The following UNC13C variants were observed in gnomAD, a reference collection of about 807,000 sequenced individuals.
The protein encoded by UNC13C is unc-13 homolog C, also known as protein unc-13 homolog C.
In UNC13C, 174 loss-of-function variants were observed where a neutral mutation model predicts 245.4. That is an observed-to-expected ratio of 0.71 (90% CI 0.63 to 0.80). UNC13C has a LOEUF of 0.80. Among genes scored for constraint, UNC13C ranks in the 30% least tolerant of loss-of-function variants. UNC13C has a pLI of 0.00. For missense variants in UNC13C, 2,829 were observed against 2,602.9 expected (o/e 1.09, Z -1.89); for synonymous variants, 992 against 895.1 (o/e 1.11, Z -1.93).
At position 54,450,232 on chromosome 15, in the gene UNC13C, G is replaced by A. The variant is rs142800042; in HGVS notation, c.4933+35165G>A. ...ACTCGGGGGTCGGGGACCCACTTGA[G>A]GAGTCAGTCTGTCCGTTCTCAGATC... On this transcript the variant is annotated intron_variant, in intron 19 of 32. Transcript: ENST00000260323. Among the ~76,000 whole-genome samples, 770 of 152,312 alleles carry A rather than the reference G, an allele frequency of 5.1e-3. 6 individuals are homozygous for A. Among genetic ancestry groups the A allele is most frequent in the African/African-American group, 0.017 (720 of 41,578 alleles).
intron 19 of UNC13C, among the ~76,000 whole-genome samples, chr15:54,479,445 A>C (rs1892977776): frequency 6.6e-6 from 1 of 152,016 alleles, no homozygotes; most frequent in Non-Finnish European, 1.5e-5. Context: ...ATTCCTTCAC[A>C]TTCAGTCTAT....
chr15:54,183,262 TTAAA>T (rs1370175533), intron 4 of UNC13C, among the ~76,000 whole-genome samples: 1 of 151,492 alleles, frequency 6.6e-6, no homozygotes, highest in African/African-American at 2.4e-5. Context: ...AAGAAAAACA[TTAAA>T]TAAATAAATG....
chr15:54,029,975 G>C (rs1896286737), intron 2 of UNC13C, among the ~76,000 whole-genome samples: 1 of 152,192 alleles, frequency 6.6e-6, no homozygotes, highest in Non-Finnish European at 1.5e-5. Context: ...CAGGATAAAT[G>C]CTGCAGCTTT....
At chr15:54,483,416 C>G (rs1224346947) in intron 19 of UNC13C, among the ~76,000 whole-genome samples, 1 of 149,420 alleles carries the variant, frequency 6.7e-6, no homozygotes, top group South Asian at 2.1e-4. Context: ...GTGAACTACT[C>G]TAAATAATCC....
At chr15:54,382,578 AAAAC>A (rs1204743393) in intron 17 of UNC13C, among the ~76,000 whole-genome samples, 1 of 152,124 alleles carries the variant, frequency 6.6e-6, no homozygotes, top group African/African-American at 2.4e-5. Context: ...CCCTATCCCA[AAAAC>A]AAACAAAAAA....
intron 10 of UNC13C, among the ~76,000 whole-genome samples, chr15:54,289,159 C>T (rs2037226851): frequency 6.6e-6 from 1 of 152,046 alleles, no homozygotes; most frequent in South Asian, 2.1e-4. Context: ...ATTTATATTG[C>T]AGGACACTAG....
At chr15:54,243,572 T>G (rs1202035938) in intron 7 of UNC13C, among the ~76,000 whole-genome samples, 1 of 148,074 alleles carries the variant, frequency 6.8e-6, no homozygotes, top group Non-Finnish European at 1.5e-5. Context: ...CTACTATGAT[T>G]GAGCTAATTT....
chr15:54,321,408 G>A, intron 13 of UNC13C: 1 of 493,832 alleles, frequency 2.0e-6, no homozygotes, highest in African/African-American at 2.0e-5. Flanking sequence ...ATCTTCTCTT[G>A]AGACAGCTCT....
intron 17 of UNC13C, among the ~76,000 whole-genome samples, chr15:54,358,761 A>G (rs2039158110): frequency 6.6e-6 from 1 of 152,024 alleles, no homozygotes; most frequent in Non-Finnish European, 1.5e-5. Context: ...GTCCTCAAAC[A>G]GGGATAATTT....
chr15:54,057,301 GA>G (rs972912465), intron 2 of UNC13C, among the ~76,000 whole-genome samples: 1 of 150,370 alleles, frequency 6.7e-6, no homozygotes, highest in Non-Finnish European at 1.5e-5. Context: ...AAAAGGCAGG[GA>G]TTGCAATCCT....
At chr15:54,326,833 C>G (rs957354845) in intron 14 of UNC13C, among the ~76,000 whole-genome samples, 5 of 151,942 alleles carry the variant, frequency 3.3e-5, no homozygotes, top group Non-Finnish European at 5.9e-5. Context: ...CTGGCTGGTA[C>G]CTGCTCATGA....
At chr15:54,411,440 T>C (rs2040414500) in intron 18 of UNC13C, among the ~76,000 whole-genome samples, 1 of 152,244 alleles carries the variant, frequency 6.6e-6, no homozygotes, top group Non-Finnish European at 1.5e-5. Context: ...GATTTTCTAC[T>C]ATGTTTTCTT....
At chr15:54,001,094 G>C (rs955693721) in intron 1 of UNC13C, among the ~76,000 whole-genome samples, 1 of 152,130 alleles carries the variant, frequency 6.6e-6, no homozygotes, top group Non-Finnish European at 1.5e-5. Context: ...GTCAAGTTCT[G>C]TTTGTAGCTG....
chr15:54,532,901 T>C lies in UNC13C; in HGVS notation c.5547-16T>C, dbSNP rs1455015767. 2 of 1,447,560 alleles carry C rather than the reference T, an allele frequency of 1.4e-6. No homozygotes were observed. The highest frequency in any genetic ancestry group is 1.3e-5 in the South Asian group (1 of 77,340). 89.7% of individuals were successfully genotyped at this position (1,447,560 alleles called of 1,614,324 possible). On this transcript the variant is annotated splice_polypyrimidine_tract_variant and intron_variant, in intron 25 of 32. Coordinates refer to ENST00000260323, the MANE Select transcript of UNC13C (RefSeq NM_001080534.3). Reference sequence around the variant, plus strand: ...ATGTATTCTTATATTTTAGAATTTATATTCTTTATTTTTAGTTTCCAGGTT... The same window carrying C: ...ATGTATTCTTATATTTTAGAATTTACATTCTTTATTTTTAGTTTCCAGGTT...
upstream of UNC13C, among the ~76,000 whole-genome samples, chr15:53,974,107 A>G (rs930068172): frequency 3.9e-5 from 6 of 152,166 alleles, no homozygotes; most frequent in Non-Finnish European, 8.8e-5. Context: ...ATACTACTAT[A>G]ATGTTTTGCA....
In UNC13C at chr15:54,055,331, T is replaced by C. The variant is rs149856616; in HGVS notation, c.2983+39445T>C. ...TCATATCATATCATTAGTCTTGTCTTCTTTTCTGTCATTTCTCTAGTAAAG... is the reference window on the plus strand; with the variant it reads ...TCATATCATATCATTAGTCTTGTCTCCTTTTCTGTCATTTCTCTAGTAAAG... On this transcript the variant is annotated intron_variant, in intron 2 of 32. Transcript: ENST00000260323. Among the ~76,000 whole-genome samples the C allele has an allele frequency of 6.9e-4, 105 of 152,310 alleles. 1 individual carries two copies. The East Asian group carries it at 0.02, about 28-fold the overall frequency.
At chr15:54,381,986 AC>A (rs1304253407) in intron 17 of UNC13C, among the ~76,000 whole-genome samples, 1 of 152,204 alleles carries the variant, frequency 6.6e-6, no homozygotes, top group Non-Finnish European at 1.5e-5. Flanking sequence ...AGAATAAAAT[AC>A]ATGTTAGTCC....
At chr15:54,143,104 A>G in intron 3 of UNC13C, 64 bp downstream of exon 3, 4 of 1,446,934 alleles carry the variant, frequency 2.8e-6, no homozygotes, top group Non-Finnish European at 2.9e-6. Context: ...TTTGTTTGTG[A>G]CATATTAGAT....
rs140273864 is a variant in UNC13C at position 54,614,271 on chromosome 15, C to A, written c.6107-8056C>A. ...ATATTGCATAGAACTTGGGTCGTTG[C>A]TAATACCCACATCCCCAAACTCCCA... On this transcript the variant is annotated intron_variant, in intron 30 of 32. Coordinates refer to ENST00000260323, the MANE Select transcript of UNC13C (RefSeq NM_001080534.3). Among the ~76,000 whole-genome samples, 11 of 152,022 alleles carry A rather than the reference C, an allele frequency of 7.2e-5. No individual in the cohort carries two copies. In the East Asian group the frequency reaches 1.9e-3, roughly 27 times the overall value.
Sources: allele counts gnomAD v4.1 joint callset (sites outside exome capture counted in the v4.1 genomes callset), GRCh38; gene constraint gnomAD v4.1.1; transcripts MANE v1.5; gene names NCBI Gene and HGNC (gene_info 2026-07-23, HGNC 2026-07-21).